INTS6: variants seen among roughly 807,000 people sequenced by gnomAD.
The protein encoded by INTS6 is integrator complex subunit 6.
INTS6 carries 16 observed loss-of-function variants against 104.9 expected under a neutral mutation model. The ratio of observed to expected loss-of-function variants is 0.15; its 90% CI spans 0.10 to 0.23. The LOEUF (loss-of-function observed/expected upper bound fraction) is 0.23, where lower values mean the gene tolerates loss of function less well. Among genes scored for constraint, INTS6 ranks in the 10% least tolerant of loss-of-function variants. The pLI, the probability that INTS6 is intolerant of heterozygous loss-of-function variation, is 1.00. For missense variants in INTS6, 584 were observed against 1,062.8 expected, an observed-to-expected ratio of 0.55 and a Z score of 6.26; for synonymous variants, 324 against 358.7, an observed-to-expected ratio of 0.90 and a Z score of 1.09.
At chr13:51,342,700 T>A in the INTS6 span, among the ~76,000 whole-genome samples, 1 of 152,150 alleles carries the variant, frequency 6.6e-6, no homozygotes, top group African/African-American at 2.4e-5. Flanking sequence ...AGAGGAGAGT[T>A]CTGTGACCAT....
chr13:51,340,780 C>T, the INTS6 span: 1 of 468,386 alleles, frequency 2.1e-6, no homozygotes, highest in African/African-American at 2.0e-5. Context: ...TCTGATCTGA[C>T]CAGGGCTTTG....
At chr13:51,380,793 CCTA>C (rs1956032709) in intron 10 of INTS6, among the ~76,000 whole-genome samples, 1 of 152,124 alleles carries the variant, frequency 6.6e-6, no homozygotes, top group Non-Finnish European at 1.5e-5. Context: ...ATTGGTTTTA[CCTA>C]CTATGATACA....
chr13:51,347,260 C>T, the INTS6 span: 2 of 1,603,394 alleles, frequency 1.2e-6, no homozygotes, highest in East Asian at 2.2e-5. Context: ...GCTGGTTTGT[C>T]TAAAGGGAGA....
intron 4 of INTS6, among the ~76,000 whole-genome samples, chr13:51,428,107 A>C (rs1159011349): frequency 5.9e-5 from 9 of 152,220 alleles, no homozygotes; most frequent in Non-Finnish European, 1.0e-4. Flanking sequence ...AAGGCAGTAG[A>C]CAGCACCTCA....
intron 15 of INTS6, among the ~76,000 whole-genome samples, chr13:51,371,626 C>T (rs1325757492): frequency 6.6e-6 from 1 of 152,100 alleles, no homozygotes; most frequent in South Asian, 2.1e-4. Context: ...CCCAGCTCTA[C>T]AGAGTGGTCA....
In INTS6 at chr13:51,422,985, G is replaced by A. The variant is rs886701769; in HGVS notation, c.429+7309C>T. 3.9e-6 allele frequency: 4 copies of A among 1,029,166 alleles called. No homozygotes were observed. In the African/African-American group the frequency reaches 5.0e-5, roughly 13 times the overall value. The allele number at this position is 1,029,166 out of a possible 1,614,324, so 63.8% of individuals were successfully genotyped here. On this transcript the variant is annotated intron_variant, in intron 4 of 17. Coordinates refer to ENST00000311234, the MANE Select transcript of INTS6 (RefSeq NM_012141.3). Reference sequence around the variant, plus strand: ...GTCTCAGAACCTTCTGTTTATTTCTGCCATGAGATTTATCTTAATGTATTA... The same window carrying A: ...GTCTCAGAACCTTCTGTTTATTTCTACCATGAGATTTATCTTAATGTATTA...
chr13:51,445,225 C>G (rs1952887131), intron 3 of INTS6: 1 of 152,136 alleles, frequency 6.6e-6, no homozygotes, highest in Non-Finnish European at 1.5e-5. Context: ...TGTTTTAACA[C>G]TTCTTTAAAA....
intron 3 of INTS6, among the ~76,000 whole-genome samples, chr13:51,356,173 C>T (rs571164312): frequency 7.9e-5 from 12 of 152,196 alleles, no homozygotes; most frequent in Admixed American, 2.0e-4. Flanking sequence ...TGCCTGAACA[C>T]GCAAAGAGAT....
chr13:51,394,866 C>T (rs1956307786), intron 5 of INTS6, among the ~76,000 whole-genome samples: 2 of 152,172 alleles, frequency 1.3e-5, no homozygotes, highest in South Asian at 4.1e-4. Flanking sequence ...CTGGATAAGA[C>T]CTCACTATCT....
chr13:51,449,254 T>C (rs1593784990), intron 3 of INTS6: 1 of 153,196 alleles, frequency 6.5e-6, no homozygotes, highest in Admixed American at 6.5e-5. Flanking sequence ...CTCTCTGTTA[T>C]TGAATTAATA....
intron 15 of INTS6, among the ~76,000 whole-genome samples, chr13:51,372,162 A>T (rs1022062771): frequency 1.4e-4 from 21 of 152,102 alleles, no homozygotes; most frequent in African/African-American, 4.6e-4. Flanking sequence ...CTGGTCGTTT[A>T]TACTCATAGC....
At chr13:51,425,243 T>C (rs1280844023) in intron 4 of INTS6, among the ~76,000 whole-genome samples, 1 of 152,066 alleles carries the variant, frequency 6.6e-6, no homozygotes, top group Non-Finnish European at 1.5e-5. Flanking sequence ...CAAGTTGGAA[T>C]AGAAGACCCC....
chr13:51,334,866 C>T, the INTS6 span, among the ~76,000 whole-genome samples: 16 of 151,642 alleles, frequency 1.1e-4, no homozygotes, highest in African/African-American at 3.9e-4. Flanking sequence ...ACCTGTAATC[C>T]CAGCTATTTG....
rs149002451 is a variant in INTS6 at position 51,399,707 on chromosome 13, GGTGTGTGTGTGT to G, written c.430-4236_430-4225del. On this transcript the variant is annotated intron_variant, in intron 4 of 17. Coordinates refer to ENST00000311234, the MANE Select transcript of INTS6 (RefSeq NM_012141.3). ...TGTCTTTTTCATGTTAGCCATTGTG[GGTGTGTGTGTGT>G]GTGCGTGTGTGTGCGTGTGTGTAGT... Among the ~76,000 whole-genome samples the G allele has an allele frequency of 1.1e-4, 16 of 148,198 alleles. 1 individual carries two copies. Among genetic ancestry groups the G allele is most frequent in the Non-Finnish European group, 3.0e-5 (2 of 66,034 alleles).
Position 51,452,262 on chromosome 13 carries a change from C to A in INTS6, c.111+153G>T. 1.2e-6 allele frequency: 1 copy of A among 808,782 alleles called. No individual in the cohort carries two copies. Among genetic ancestry groups the A allele is most frequent in the Non-Finnish European group, 1.6e-6 (1 of 624,758 alleles). 50.1% of individuals were successfully genotyped at this position (808,782 alleles called of 1,614,324 possible). ...GGCCCCGGCCGAACCCGGCTCGCAG[C>A]GCCCGCCCGCCCGCGCGGTGGGGGA... is the stretch of plus-strand genomic sequence containing the variant. On this transcript the variant is annotated intron_variant, in intron 1 of 17. Transcript: ENST00000311234. The surrounding 1 kb of genome is among the most constrained non-coding windows in gnomAD (Gnocchi z 4.2).
At chr13:51,443,158 C>T (rs550511983) in intron 3 of INTS6, 9 of 152,216 alleles carry the variant, frequency 5.9e-5, no homozygotes, top group Admixed American at 4.6e-4. Flanking sequence ...GTTCTATCAC[C>T]AATTACAATT....
chr13:51,394,404 T>C (rs1369097279), intron 5 of INTS6, among the ~76,000 whole-genome samples: 1 of 152,176 alleles, frequency 6.6e-6, no homozygotes, highest in South Asian at 2.1e-4. Context: ...TCCATAGAAT[T>C]TTAGAAAAAA....
chr13:51,402,229 T>C (rs1199321804), intron 4 of INTS6, among the ~76,000 whole-genome samples: 1 of 152,218 alleles, frequency 6.6e-6, no homozygotes, highest in Non-Finnish European at 1.5e-5. Context: ...TTACATACAG[T>C]ATTTACAACA....
the INTS6 span, among the ~76,000 whole-genome samples, chr13:51,343,660 G>A: frequency 6.6e-6 from 1 of 152,180 alleles, no homozygotes; most frequent in Admixed American, 6.5e-5. Flanking sequence ...GGGATGGGAG[G>A]AGTTCTTACT....
Sources: gnomAD v4.1 joint callset for allele counts (sites outside exome capture counted in the v4.1 genomes callset) on GRCh38, gnomAD v4.1.1 for gene constraint, Gnocchi (gnomAD v3.1) non-coding constraint, MANE v1.5 for transcripts, NCBI Gene and HGNC (gene_info 2026-07-23, HGNC 2026-07-21) for gene names.